BACH1: variants seen among roughly 807,000 people sequenced by gnomAD.
BACH1 encodes the protein BTB domain and CNC homolog 1.
In BACH1, 35 loss-of-function variants were observed where a neutral mutation model predicts 52.9. The ratio of observed to expected loss-of-function variants is 0.66; its 90% CI spans 0.51 to 0.88. The LOEUF (loss-of-function observed/expected upper bound fraction) is 0.88, where lower values mean the gene tolerates loss of function less well. Ranked by LOEUF, BACH1 falls within the 40% of genes least tolerant of loss-of-function variation. The probability of loss-of-function intolerance (pLI) is 0.00; values close to 1 mark genes in which losing one functional copy is unlikely to be tolerated. For missense variants in BACH1, 808 were observed against 872.6 expected (o/e 0.93, Z 0.93); for synonymous variants, 321 against 319.6 (o/e 1.00, Z -0.05).
At chr21:29,300,576 G>A (rs1269155722) in intron 1 of BACH1, among the ~76,000 whole-genome samples, 1 of 152,186 alleles carries the variant, frequency 6.6e-6, no homozygotes, top group Non-Finnish European at 1.5e-5. Flanking sequence ...ATTTGCGCTG[G>A]AGAGAGCTAA....
rs777354793 is a variant in BACH1, at chr21:29,326,237, A to C, written c.413A>C (p.Gln138Pro). 6.2e-7 allele frequency: 1 copy of C among 1,614,136 alleles called. No homozygotes were observed. Among genetic ancestry groups the C allele is most frequent in the Non-Finnish European group, 8.5e-7 (1 of 1,180,008 alleles). The stretch of plus-strand genomic sequence containing the variant: ...TTTTTGGACTCCACTGCAGACCAGC[A>C]AGAATGCCCAAGAAAAAAATGCTTT... Reference protein sequence around the residue: ...FKFLDSTADQQECPRKKCFSS... With the variant: ...FKFLDSTADQPECPRKKCFSS... Residue 138 changes from glutamine to proline, a missense_variant, in exon 3 of 5, where the codon CAA becomes CCA. Coordinates refer to ENST00000286800, the MANE Select transcript of BACH1 (RefSeq NM_001186.4).
At chr21:29,337,201 A>G (rs1159861261) in intron 4 of BACH1, among the ~76,000 whole-genome samples, 1 of 152,162 alleles carries the variant, frequency 6.6e-6, no homozygotes, top group Non-Finnish European at 1.5e-5. Context: ...TTGTTTCAAG[A>G]TTTGGAATCA....
At chr21:29,303,199 G>C (rs2088621631) in intron 1 of BACH1, among the ~76,000 whole-genome samples, 1 of 152,188 alleles carries the variant, frequency 6.6e-6, no homozygotes, top group Non-Finnish European at 1.5e-5. Context: ...TGATATGCCT[G>C]TACTAATACA....
chr21:29,315,641 C>G (rs562908473), intron 1 of BACH1, among the ~76,000 whole-genome samples: 2 of 152,294 alleles, frequency 1.3e-5, no homozygotes, highest in East Asian at 3.9e-4. Flanking sequence ...CACACACACC[C>G]TTGACTAACA....
chr21:29,339,843 C>T (rs2089091078), intron 4 of BACH1, among the ~76,000 whole-genome samples: 1 of 152,052 alleles, frequency 6.6e-6, no homozygotes. Flanking sequence ...ACCATGTTGG[C>T]TAAGCTGGTC....
Position 29,342,614 on chromosome 21 carries a change from G to A in BACH1, c.1992G>A (p.Leu664=), listed in dbSNP as rs2089127263. The change falls in exon 5 of 5, where the codon CTG becomes CTA. Residue 664 remains leucine (L), a synonymous_variant. Transcript: ENST00000286800. The part of the protein sequence containing the change: ...EKDKSTPDGE[L]ALPSIFSLSD... ...ATAAAAGTACTCCTGATGGTGAACT[G>A]GCGTTACCATCAATTTTCAGTTTAT... is the stretch of plus-strand genomic sequence containing the variant. 6.2e-7 allele frequency: 1 copy of A among 1,613,976 alleles called. No individual in the cohort carries two copies. The highest frequency in any genetic ancestry group is 1.1e-5 in the South Asian group (1 of 91,088).
At chr21:29,311,629 C>A (rs1153285) in intron 1 of BACH1, among the ~76,000 whole-genome samples, 2 of 151,942 alleles carry the variant, frequency 1.3e-5, no homozygotes, top group African/African-American at 4.8e-5. Context: ...GTGATGATTT[C>A]GTTTACTCTA....
chr21:29,360,736 T>C (rs2089266113), intron 2 of BACH1, among the ~76,000 whole-genome samples: 1 of 150,264 alleles, frequency 6.7e-6, no homozygotes, highest in Non-Finnish European at 1.5e-5. Flanking sequence ...TCCCAGCTAC[T>C]CAGGAGGCTG....
intron 1 of BACH1, among the ~76,000 whole-genome samples, chr21:29,311,367 A>C (rs2088719449): frequency 6.6e-6 from 1 of 151,712 alleles, no homozygotes; most frequent in African/African-American, 2.4e-5. Flanking sequence ...TTTGTTTACT[A>C]TCTATTTAAA....
intron 1 of BACH1, among the ~76,000 whole-genome samples, chr21:29,319,682 G>C (rs557135932): frequency 2.0e-5 from 3 of 146,566 alleles, no homozygotes; most frequent in African/African-American, 7.6e-5. Flanking sequence ...AGTTTTGAAG[G>C]GTGTGCATCC....
At chr21:29,317,091 G>C (rs548751555) in intron 1 of BACH1, among the ~76,000 whole-genome samples, 2 of 152,328 alleles carry the variant, frequency 1.3e-5, no homozygotes, top group East Asian at 3.9e-4. Flanking sequence ...ATTCTCACAG[G>C]AGTGTGAACC....
intron 1 of BACH1, chr21:29,305,245 C>T (rs1488755341): frequency 1.3e-5 from 2 of 151,362 alleles, no homozygotes; most frequent in South Asian, 2.1e-4. Flanking sequence ...CCAGCTCACT[C>T]GGATTCTTTG....
At chr21:29,305,480 C>G (rs1011962761) in intron 1 of BACH1, among the ~76,000 whole-genome samples, 2 of 151,956 alleles carry the variant, frequency 1.3e-5, no homozygotes, top group African/African-American at 2.4e-5. Flanking sequence ...TTTTCCAGAC[C>G]CCAGAAAGGC....
At chr21:29,312,888 G>A (rs75000079) in intron 1 of BACH1, among the ~76,000 whole-genome samples, 1 of 152,086 alleles carries the variant, frequency 6.6e-6, no homozygotes, top group Non-Finnish European at 1.5e-5. Flanking sequence ...AGCTCTTACA[G>A]TAGAATTTAA....
At position 29,342,742 on chromosome 21, in the gene BACH1, A is replaced by G. The variant is rs778585049; in HGVS notation, c.2120A>G (p.Glu707Gly). 6.2e-7 allele frequency: 1 copy of G among 1,614,178 alleles called. No individual in the cohort carries two copies. The change falls in exon 5 of 5, where the codon GAG becomes GGG. Residue 707 changes from glutamate to glycine, a missense_variant. Glu to Gly is a moderately conservative substitution (Grantham distance 98). Coordinates refer to ENST00000286800, the MANE Select transcript of BACH1 (RefSeq NM_001186.4). ...CAGCAGATGTCCACAGCCACCTCTG[A>G]GCAAGCTGGGCCTGCGGAACAGTGT... ...ESQQMSTATS[E>G]QAGPAEQCRQ... is the part of the protein sequence containing the mutation.
In BACH1 at chr21:29,319,226, G is replaced by T. The variant is rs2268201; in HGVS notation, c.-60-1995G>T. Among the ~76,000 whole-genome samples the T allele has an allele frequency of 7.2e-5, 11 of 152,298 alleles. No homozygotes were observed. In the East Asian group the frequency reaches 1.4e-3, roughly 19 times the overall value. ...ACATCTTTAGGATAGTCTCTGGAGA[G>T]ACTTAAACGTGTTCATTAACAAACA... On this transcript the variant is annotated intron_variant, in intron 1 of 4. Transcript: ENST00000286800.
chr21:29,337,498 C>T (rs1304340540), intron 4 of BACH1, among the ~76,000 whole-genome samples: 2 of 152,194 alleles, frequency 1.3e-5, no homozygotes, highest in African/African-American at 4.8e-5. Flanking sequence ...TGTTTAATCT[C>T]TCATCATTTA....
rs912534978 is a variant in BACH1, at chr21:29,330,141, T to C, written c.1776+448T>C. ...TATTAATATCTAATGGGATCCTAAG[T>C]GAGAACAATGCTTGCTTTTGAATCT... On this transcript the variant is annotated intron_variant, in intron 4 of 4. Transcript: ENST00000286800. 7.8e-4 allele frequency among the ~76,000 whole-genome samples: 118 copies of C among 152,248 alleles called. 1 individual carries two copies. Among genetic ancestry groups the C allele is most frequent in the African/African-American group, 2.7e-3 (113 of 41,558 alleles).
intron 4 of BACH1, among the ~76,000 whole-genome samples, chr21:29,335,702 C>T (rs1447603154): frequency 6.6e-6 from 1 of 152,222 alleles, no homozygotes; most frequent in African/African-American, 2.4e-5. Flanking sequence ...GTCTCTCCAC[C>T]TCAGATCATC....
Sources: gnomAD v4.1 joint callset for allele counts (sites outside exome capture counted in the v4.1 genomes callset) on GRCh38, gnomAD v4.1.1 for gene constraint, MANE v1.5 for transcripts, NCBI Gene and HGNC (gene_info 2026-07-23, HGNC 2026-07-21) for gene names.